Variants in TSHZ3 observed in about 807,000 individuals in gnomAD.
TSHZ3 encodes the protein teashirt zinc finger homeobox 3, also known as teashirt homolog 3.
In TSHZ3, 10 loss-of-function variants were observed where a neutral mutation model predicts 64.5. That is an observed-to-expected ratio of 0.16 (90% CI 0.10 to 0.26). TSHZ3 has a LOEUF of 0.26. TSHZ3 is among the 10% of genes least tolerant of loss of function. The pLI, the probability that TSHZ3 is intolerant of heterozygous loss-of-function variation, is 1.00. For synonymous variants in TSHZ3, 608 were observed against 593.1 expected, an observed-to-expected ratio of 1.03 and a Z score of -0.36; for missense variants, 1,242 against 1,421.7, an observed-to-expected ratio of 0.87 and a Z score of 2.03.
At chr19:31,255,497 C>T (rs1270167557) in intron 1 of TSHZ3, among the ~76,000 whole-genome samples, 1 of 152,174 alleles carries the variant, frequency 6.6e-6, no homozygotes, top group East Asian at 1.9e-4. Flanking sequence ...CTGCGCTTAC[C>T]ACCAAGAGTT....
At chr19:31,337,762 T>C (rs1917296093) in intron 1 of TSHZ3, among the ~76,000 whole-genome samples, 1 of 129,450 alleles carries the variant, frequency 7.7e-6, no homozygotes, top group Non-Finnish European at 1.6e-5. Context: ...CAAAGTTGCC[T>C]GGAGTTGATG....
Position 31,278,799 on chromosome 19 carries a change from T to C in TSHZ3, c.994A>G (p.Ser332Gly). Residue 332 changes from serine (S) to glycine (G), a missense_variant, in exon 2 of 2, where the codon AGC becomes GGC. Transcript: ENST00000240587. This position sits in a 1 kb window ranked among gnomAD's most constrained non-coding sequence, Gnocchi z 4.7. ...GTTCCACCTGTGGAATCTGGGGAGC[T>C]GGGGAGCTCCAGCTCCAGGGAAGCT... ...KKASLELELP[S>G]SPDSTGGTPK... The C allele has an allele frequency of 6.2e-7, 1 of 1,614,124 alleles. No homozygotes were observed. Among genetic ancestry groups the C allele is most frequent in the Admixed American group, 1.7e-5 (1 of 60,024 alleles).
intron 1 of TSHZ3, among the ~76,000 whole-genome samples, chr19:31,340,624 C>T (rs1379179801): frequency 6.6e-6 from 1 of 152,178 alleles, no homozygotes; most frequent in Non-Finnish European, 1.5e-5. Context: ...AGAAGGATGT[C>T]AGTGCGGGCC....
chr19:31,180,766 T>C (rs1974699967), intron 5 of TSHZ3, among the ~76,000 whole-genome samples: 1 of 152,198 alleles, frequency 6.6e-6, no homozygotes, highest in Admixed American at 6.5e-5. Flanking sequence ...GGATTTCTGT[T>C]GCTTTTATGA....
intron 1 of TSHZ3, among the ~76,000 whole-genome samples, chr19:31,332,394 G>C (rs1917122005): frequency 1.3e-5 from 2 of 152,146 alleles, no homozygotes; most frequent in Non-Finnish European, 2.9e-5. Context: ...GGAGCTGGTG[G>C]GGCTCTGAAA....
intron 5 of TSHZ3, among the ~76,000 whole-genome samples, chr19:31,169,210 G>A (rs1974500480): frequency 6.6e-6 from 1 of 152,166 alleles, no homozygotes. Flanking sequence ...TGCAGCCACT[G>A]TGGAAACAGT....
chr19:31,283,855 T>C (rs1976408163), intron 1 of TSHZ3, among the ~76,000 whole-genome samples: 1 of 152,148 alleles, frequency 6.6e-6, no homozygotes, highest in Non-Finnish European at 1.5e-5. Context: ...GCGAATGCCC[T>C]GGATCAGGCA....
intron 5 of TSHZ3, among the ~76,000 whole-genome samples, chr19:31,169,440 C>A (rs1055551757): frequency 2.6e-5 from 4 of 152,076 alleles, no homozygotes; most frequent in Non-Finnish European, 5.9e-5. Flanking sequence ...ACAGCACTCC[C>A]AAGGGCTGAG....
At chr19:31,170,156 G>A (rs2145114008) in intron 5 of TSHZ3, among the ~76,000 whole-genome samples, 1 of 152,270 alleles carries the variant, frequency 6.6e-6, no homozygotes, top group South Asian at 2.1e-4. Context: ...TTAAACAACA[G>A]GGATGTATTT....
At chr19:31,282,444 A>T (rs942868269) in intron 1 of TSHZ3, among the ~76,000 whole-genome samples, 1 of 152,176 alleles carries the variant, frequency 6.6e-6, no homozygotes, top group Non-Finnish European at 1.5e-5. Flanking sequence ...AATAGTGGAC[A>T]TGAAAGAGTC....
At chr19:31,294,502 G>C (rs1976629851) in intron 1 of TSHZ3, among the ~76,000 whole-genome samples, 2 of 152,100 alleles carry the variant, frequency 1.3e-5, no homozygotes, top group South Asian at 2.1e-4. Flanking sequence ...ATGCACCCAG[G>C]CCTCACTAGT....
chr19:31,172,654 A>C (rs1410545799), intron 5 of TSHZ3, among the ~76,000 whole-genome samples: 1 of 152,258 alleles, frequency 6.6e-6, no homozygotes, highest in African/African-American at 2.4e-5. Flanking sequence ...TAAAGATCAT[A>C]TTTTATTTCA....
At chr19:31,294,473 GACCCAGCTCTCAGTTAACATGC>G (rs1329583717) in intron 1 of TSHZ3, among the ~76,000 whole-genome samples, 13 of 152,144 alleles carry the variant, frequency 8.5e-5, no homozygotes, top group Non-Finnish European at 1.5e-5. Context: ...ACTCAGTATT[GACCCAGCTCTCAGTTAACATGC>G]ACCCAGGCCT....
At chr19:31,308,086 T>G (rs942446375) in intron 1 of TSHZ3, among the ~76,000 whole-genome samples, 1 of 152,232 alleles carries the variant, frequency 6.6e-6, no homozygotes, top group African/African-American at 2.4e-5. Flanking sequence ...GTTTTTTGTC[T>G]GTTTTCCTCC....
chr19:31,295,730 C>G (rs527445657), intron 1 of TSHZ3, among the ~76,000 whole-genome samples: 2 of 151,972 alleles, frequency 1.3e-5, no homozygotes, highest in South Asian at 4.2e-4. Flanking sequence ...CACTTATATT[C>G]GTATGCTGGC....
chr19:31,349,789 G>A (rs1018386324), upstream of TSHZ3, among the ~76,000 whole-genome samples: 12 of 147,880 alleles, frequency 8.1e-5, no homozygotes, highest in South Asian at 2.1e-4. Flanking sequence ...GCGGCCCGGG[G>A]CTCGGCGGTC....
chr19:31,234,841 G>A (rs1350252222), intron 3 of TSHZ3, among the ~76,000 whole-genome samples: 4 of 152,040 alleles, frequency 2.6e-5, no homozygotes, highest in African/African-American at 4.8e-5. Context: ...CTGCATTGTC[G>A]GCTTTTGATA....
intron 3 of TSHZ3, among the ~76,000 whole-genome samples, chr19:31,232,354 G>C (rs1175531268): frequency 6.6e-6 from 1 of 152,164 alleles, no homozygotes; most frequent in East Asian, 1.9e-4. Flanking sequence ...CTGACAAATA[G>C]TATAAATGAA....
chr19:31,182,524 C>T (rs997225185), intron 5 of TSHZ3, among the ~76,000 whole-genome samples: 3 of 152,082 alleles, frequency 2.0e-5, no homozygotes, highest in South Asian at 2.1e-4. Flanking sequence ...GTCTGAGGAC[C>T]GACCCTAAAC....
Sources: gnomAD v4.1 joint callset for allele counts (sites outside exome capture counted in the v4.1 genomes callset) on GRCh38, gnomAD v4.1.1 for gene constraint, Gnocchi (gnomAD v3.1) non-coding constraint, MANE v1.5 for transcripts, NCBI Gene and HGNC (gene_info 2026-07-23, HGNC 2026-07-21) for gene names.